The following OXR1 variants were observed in gnomAD, a reference collection of about 807,000 sequenced individuals.
OXR1 encodes the protein oxidation resistance 1, also known as oxidation resistance protein 1.
A neutral mutation model predicts 104.6 loss-of-function variants in OXR1; 41 were observed. The observed-to-expected ratio is 0.39, with a 90% CI of 0.31 to 0.51. OXR1 has a LOEUF of 0.51. OXR1 is among the 20% of genes least tolerant of loss of function. The pLI, the probability that OXR1 is intolerant of heterozygous loss-of-function variation, is 0.77. For synonymous variants in OXR1, 348 were observed against 348.4 expected, an observed-to-expected ratio of 1.00 and a Z score of 0.01; for missense variants, 955 against 1,031.9, an observed-to-expected ratio of 0.93 and a Z score of 1.02.
chr8:106,701,786 G>T (rs1367540051), intron 7 of OXR1, among the ~76,000 whole-genome samples: 1 of 152,058 alleles, frequency 6.6e-6, no homozygotes, highest in Non-Finnish European at 1.5e-5. Context: ...AATGGAAATG[G>T]TTTTACCCAT....
intron 2 of OXR1, among the ~76,000 whole-genome samples, chr8:106,378,298 T>A (rs17337301): frequency 6.6e-6 from 1 of 152,138 alleles, no homozygotes; most frequent in Non-Finnish European, 1.5e-5. Flanking sequence ...TGTCAGAGGT[T>A]GTGCTGGGAC....
At chr8:106,462,585 C>G (rs1435604784) in intron 2 of OXR1, among the ~76,000 whole-genome samples, 2 of 152,086 alleles carry the variant, frequency 1.3e-5, no homozygotes, top group African/African-American at 2.4e-5. Context: ...AAAACATTTC[C>G]TACTTTTCTC....
chr8:106,329,563 G>T (rs1317227910), intron 1 of OXR1, among the ~76,000 whole-genome samples: 1 of 151,966 alleles, frequency 6.6e-6, no homozygotes, highest in Non-Finnish European at 1.5e-5. Flanking sequence ...TAGCCCGGAT[G>T]GTCTCGATCT....
intron 2 of OXR1, among the ~76,000 whole-genome samples, chr8:106,475,371 AC>A (rs1156501486): frequency 1.3e-5 from 2 of 151,988 alleles, no homozygotes; most frequent in African/African-American, 2.4e-5. Context: ...AAGTGGATCA[AC>A]CTAAAGGTCT....
At chr8:106,425,132 G>A (rs1446129982) in intron 2 of OXR1, among the ~76,000 whole-genome samples, 1 of 114,870 alleles carries the variant, frequency 8.7e-6, no homozygotes, top group Non-Finnish European at 1.6e-5. Context: ...CACTCCCATC[G>A]CCCAGGTAGG....
chr8:106,390,285 A>G (rs1038330765), intron 2 of OXR1, among the ~76,000 whole-genome samples: 37 of 152,208 alleles, frequency 2.4e-4, no homozygotes, highest in African/African-American at 8.9e-4. Flanking sequence ...GCCTAGGGAC[A>G]CTACTGGGAC....
intron 11 of OXR1, among the ~76,000 whole-genome samples, chr8:106,729,387 C>A: frequency 6.6e-6 from 1 of 151,824 alleles, no homozygotes; most frequent in African/African-American, 2.4e-5. Context: ...GTATCAGAAC[C>A]TATTTTATAT....
At chr8:106,545,992 T>TG (rs147972443) in intron 3 of OXR1, among the ~76,000 whole-genome samples, 1 of 64,190 alleles carries the variant, frequency 1.6e-5, no homozygotes, top group Non-Finnish European at 3.0e-5. Flanking sequence ...TGAGATTCTG[T>TG]CAAAAAAAAA....
chr8:106,653,220 T>G (rs2131027673), intron 3 of OXR1, among the ~76,000 whole-genome samples: 1 of 151,622 alleles, frequency 6.6e-6, no homozygotes, highest in Admixed American at 6.6e-5. Flanking sequence ...CAGAAACTCT[T>G]CCAAAAAAGT....
intron 2 of OXR1, among the ~76,000 whole-genome samples, chr8:106,456,181 T>C (rs571382627): frequency 6.6e-6 from 1 of 152,278 alleles, no homozygotes; most frequent in Admixed American, 6.5e-5. Flanking sequence ...CTCAGAGAGA[T>C]GTGAGTCACC....
chr8:106,418,285 T>A (rs1818760678), intron 2 of OXR1, among the ~76,000 whole-genome samples: 1 of 152,090 alleles, frequency 6.6e-6, no homozygotes, highest in South Asian at 2.1e-4. Context: ...AATATATGTC[T>A]AAAGATAAGC....
At chr8:106,280,304 A>G (rs1812223256) in intron 1 of OXR1, among the ~76,000 whole-genome samples, 1 of 152,222 alleles carries the variant, frequency 6.6e-6, no homozygotes, top group South Asian at 2.1e-4. Flanking sequence ...TGGGTAGCTT[A>G]AAACAACAGA....
intron 14 of OXR1, among the ~76,000 whole-genome samples, 177 bp downstream of exon 14, chr8:106,740,672 G>T (rs1006334172): frequency 3.5e-4 from 53 of 152,122 alleles, no homozygotes; most frequent in Non-Finnish European, 4.4e-5. Flanking sequence ...ATATGAGCAT[G>T]ATGATTAAGA....
chr8:106,667,088 A>C (rs750589947), intron 3 of OXR1, among the ~76,000 whole-genome samples: 3 of 152,320 alleles, frequency 2.0e-5, no homozygotes, highest in African/African-American at 2.4e-5. Flanking sequence ...CATTGCAGAA[A>C]GTTTTATTGG....
At chr8:106,672,816 C>A (rs1437621055) in intron 3 of OXR1, among the ~76,000 whole-genome samples, 3 of 152,160 alleles carry the variant, frequency 2.0e-5, no homozygotes, top group Non-Finnish European at 4.4e-5. Context: ...GATAATTCCT[C>A]CTGCCTTTAT....
intron 3 of OXR1, chr8:106,658,242 G>C: frequency 2.4e-6 from 3 of 1,229,664 alleles, no homozygotes; most frequent in Non-Finnish European, 3.0e-6. Flanking sequence ...GGGCTGTGGG[G>C]AGGCGGCGGT....
At chr8:106,469,944 C>T (rs753502760) in intron 2 of OXR1, among the ~76,000 whole-genome samples, 5 of 151,628 alleles carry the variant, frequency 3.3e-5, no homozygotes, top group South Asian at 2.1e-4. Flanking sequence ...AATGAATCTG[C>T]GAAACAGGTA....
At chr8:106,516,185 T>C (rs912054567) in intron 2 of OXR1, among the ~76,000 whole-genome samples, 2 of 152,168 alleles carry the variant, frequency 1.3e-5, no homozygotes, top group Non-Finnish European at 2.9e-5. Flanking sequence ...CCCTCAGTTA[T>C]GATCATAGCT....
At position 106,581,239 on chromosome 8, in the gene OXR1, A is replaced by G. The variant is rs776800320; in HGVS notation, c.220+62100A>G. 7.8e-6 allele frequency: 10 copies of G among 1,288,496 alleles called. No homozygotes were observed. The South Asian group carries it at 1.2e-4, about 16-fold the overall frequency. The allele number at this position is 1,288,496 out of a possible 1,614,324, so 79.8% of individuals were successfully genotyped here. A position where few individuals can be genotyped will look rare whatever the true frequency, so the allele number is the denominator to read the frequency against. Reference sequence around the variant, plus strand: ...TTCCAAGGAAATATGCCCAATATCCATGAAGCTGAGAAGTAAGTTTCTGAA... The same window carrying G: ...TTCCAAGGAAATATGCCCAATATCCGTGAAGCTGAGAAGTAAGTTTCTGAA... On this transcript the variant is annotated intron_variant, in intron 3 of 16. Transcript: ENST00000517566.
Sources: allele counts gnomAD v4.1 joint callset (sites outside exome capture counted in the v4.1 genomes callset), GRCh38; gene constraint gnomAD v4.1.1; transcripts MANE v1.5; gene names NCBI Gene and HGNC (gene_info 2026-07-23, HGNC 2026-07-21).